Variants in DENND1A observed in about 807,000 individuals in gnomAD.
DENND1A encodes DENN domain-containing protein 1A.
In DENND1A, 51 loss-of-function variants were observed where a neutral mutation model predicts 113.7. The observed-to-expected ratio is 0.45, with a 90% CI of 0.36 to 0.57. DENND1A has a LOEUF of 0.57. DENND1A is among the 20% of genes least tolerant of loss of function. The pLI, the probability that DENND1A is intolerant of heterozygous loss-of-function variation, is 0.00. For synonymous variants in DENND1A, 565 were observed against 570.8 expected (o/e 0.99, Z 0.14); for missense variants, 1,258 against 1,395.9 (o/e 0.90, Z 1.57).
intron 13 of DENND1A, among the ~76,000 whole-genome samples, chr9:123,545,431 T>C (rs2056598002): frequency 6.6e-6 from 1 of 151,790 alleles, no homozygotes; most frequent in Admixed American, 6.6e-5. Flanking sequence ...CTCCATCAAC[T>C]GTGTGCTGGG....
rs144158330 is a variant in DENND1A at position 123,818,515 on chromosome 9, CATAT to C, written c.89-25889_89-25886del. Among the ~76,000 whole-genome samples, 285 of 112,386 alleles carry C rather than the reference CATAT, an allele frequency of 2.5e-3. 1 individual carries two copies. The highest frequency in any genetic ancestry group is 3.3e-3 in the Non-Finnish European group (186 of 56,738). The allele number at this position is 112,386 out of a possible 152,430, so 73.7% of individuals were successfully genotyped here. On this transcript the variant is annotated intron_variant, in intron 2 of 23. Transcript: ENST00000394215. Reference sequence around the variant, plus strand: ...TGGAATATTGGCATATATATACATACATATACACACACACACACACACACACACA... The same window carrying C: ...TGGAATATTGGCATATATATACATACACACACACACACACACACACACACA...
intron 18 of DENND1A, among the ~76,000 whole-genome samples, chr9:123,445,513 A>G (rs2047238682): frequency 6.6e-6 from 1 of 152,244 alleles, no homozygotes; most frequent in Non-Finnish European, 1.5e-5. Flanking sequence ...CACGCTGGAC[A>G]TGGTCTCCAG....
At chr9:123,736,693 T>A (rs1224011755) in intron 5 of DENND1A, among the ~76,000 whole-genome samples, 1 of 152,198 alleles carries the variant, frequency 6.6e-6, no homozygotes, top group Non-Finnish European at 1.5e-5. Context: ...GTCAAAAAAA[T>A]GAATTATGGC....
intron 9 of DENND1A, among the ~76,000 whole-genome samples, chr9:123,640,122 C>T (rs2061949642): frequency 6.6e-6 from 1 of 152,210 alleles, no homozygotes. Flanking sequence ...CCACTATGTG[C>T]ACACACCATG....
At chr9:123,491,267 G>A (rs2051348242) in intron 13 of DENND1A, among the ~76,000 whole-genome samples, 1 of 152,238 alleles carries the variant, frequency 6.6e-6, no homozygotes, top group African/African-American at 2.4e-5. Context: ...GAGGCTATCT[G>A]TGTGGATAGA....
chr9:123,882,167 C>T (rs1160136580), intron 1 of DENND1A, among the ~76,000 whole-genome samples: 1 of 152,018 alleles, frequency 6.6e-6, no homozygotes, highest in African/African-American at 2.4e-5. Context: ...CTACTTCTTC[C>T]CTGACTCCAG....
intron 8 of DENND1A, among the ~76,000 whole-genome samples, chr9:123,655,493 G>A (rs1457640364): frequency 3.9e-5 from 6 of 152,148 alleles, no homozygotes; most frequent in South Asian, 2.1e-4. Context: ...TGAAGAACCC[G>A]CAGAAAAAGA....
chr9:123,927,878 G>A (rs3739827), intron 1 of DENND1A, among the ~76,000 whole-genome samples: 42,458 of 152,088 alleles, frequency 0.28, 7,272 homozygotes, highest in African/African-American at 0.48. Context: ...AACAACTAGA[G>A]GAGCACTTAA....
chr9:123,452,576 G>A (rs890309852), intron 16 of DENND1A, among the ~76,000 whole-genome samples: 1 of 152,028 alleles, frequency 6.6e-6, no homozygotes, highest in African/African-American at 2.4e-5. Context: ...TGAGGAGTGT[G>A]AATTGATGGA....
intron 1 of DENND1A, among the ~76,000 whole-genome samples, chr9:123,915,628 C>T (rs1854952662): frequency 6.6e-6 from 1 of 152,050 alleles, no homozygotes; most frequent in Non-Finnish European, 1.5e-5. Flanking sequence ...AGTTACTTGT[C>T]TTTCATTTCA....
intron 19 of DENND1A, among the ~76,000 whole-genome samples, chr9:123,433,823 CCT>C (rs1385270350): frequency 1.3e-5 from 2 of 152,178 alleles, no homozygotes; most frequent in African/African-American, 2.4e-5. Context: ...CCTCCCTTCC[CCT>C]GACTGCTTTC....
chr9:123,648,233 C>T (rs531424611), intron 9 of DENND1A, among the ~76,000 whole-genome samples: 2 of 152,238 alleles, frequency 1.3e-5, no homozygotes, highest in Admixed American at 1.3e-4. Context: ...GCGCGTTCTA[C>T]CACGCTCATT....
chr9:123,811,299 G>A (rs1836556485), intron 2 of DENND1A, among the ~76,000 whole-genome samples: 1 of 152,226 alleles, frequency 6.6e-6, no homozygotes, highest in Non-Finnish European at 1.5e-5. Context: ...AAGGTTAGAA[G>A]TGTGGGAAAC....
At chr9:123,498,761 C>CT (rs1379680378) in intron 13 of DENND1A, among the ~76,000 whole-genome samples, 1 of 151,630 alleles carries the variant, frequency 6.6e-6, no homozygotes, top group East Asian at 1.9e-4. Flanking sequence ...CTCGCTCTGT[C>CT]TCCCAAGCTG....
chr9:123,827,981 C>G (rs982494443), intron 2 of DENND1A, among the ~76,000 whole-genome samples: 20 of 152,004 alleles, frequency 1.3e-4, no homozygotes, highest in African/African-American at 4.8e-4. Context: ...ACAATTGGCA[C>G]TCAATAAAAA....
chr9:123,599,416 G>C (rs2059846708), intron 11 of DENND1A, among the ~76,000 whole-genome samples: 1 of 152,202 alleles, frequency 6.6e-6, no homozygotes, highest in Non-Finnish European at 1.5e-5. Flanking sequence ...TGACCTCTTT[G>C]TACAAAACGA....
intron 21 of DENND1A, among the ~76,000 whole-genome samples, chr9:123,395,995 G>A (rs997453354): frequency 5.9e-5 from 9 of 151,982 alleles, no homozygotes; most frequent in Non-Finnish European, 1.3e-4. Flanking sequence ...GTGTGTGTGT[G>A]TGCACGCGTG....
chr9:123,649,867 C>T (rs2062549103), intron 9 of DENND1A, among the ~76,000 whole-genome samples: 1 of 152,168 alleles, frequency 6.6e-6, no homozygotes, highest in Admixed American at 6.5e-5. Context: ...ACAGAAGGTT[C>T]ATTCTTCCTT....
At chr9:123,444,988 A>T (rs2047194565) in intron 18 of DENND1A, among the ~76,000 whole-genome samples, 1 of 152,178 alleles carries the variant, frequency 6.6e-6, no homozygotes, top group African/African-American at 2.4e-5. Context: ...CAGCTCAGAG[A>T]GTTACGGGGG....
Sources: gnomAD v4.1 joint callset for allele counts (sites outside exome capture counted in the v4.1 genomes callset) on GRCh38, gnomAD v4.1.1 for gene constraint, MANE v1.5 for transcripts, NCBI Gene and HGNC (gene_info 2026-07-23, HGNC 2026-07-21) for gene names.